Variants in GAS7 observed in about 807,000 individuals in gnomAD.
GAS7 encodes growth arrest specific 7.
A neutral mutation model predicts 71.1 loss-of-function variants in GAS7; 28 were observed. The observed-to-expected ratio is 0.39, with a 90% CI of 0.29 to 0.54. GAS7 has a LOEUF of 0.54. Ranked by LOEUF, GAS7 falls within the 20% of genes least tolerant of loss-of-function variation. The probability of loss-of-function intolerance (pLI) is 0.62; values close to 1 mark genes in which losing one functional copy is unlikely to be tolerated. For synonymous variants in GAS7, 258 were observed against 245.8 expected (o/e 1.05, Z -0.46); for missense variants, 436 against 627.8 (o/e 0.69, Z 3.27).
chr17:10,011,541 C>A (rs1391470954), intron 2 of GAS7, among the ~76,000 whole-genome samples: 1 of 152,200 alleles, frequency 6.6e-6, no homozygotes, highest in African/African-American at 2.4e-5. Context: ...AAACACCAGC[C>A]AGCATCACTT....
At chr17:10,117,716 A>G (rs551860115) in intron 1 of GAS7, among the ~76,000 whole-genome samples, 13 of 152,140 alleles carry the variant, frequency 8.5e-5, no homozygotes, top group Admixed American at 6.5e-5. Context: ...CTTCCTGTGA[A>G]AACAACAGAC....
At chr17:9,928,202 T>C (rs1181692098) in intron 9 of GAS7, among the ~76,000 whole-genome samples, 2 of 151,956 alleles carry the variant, frequency 1.3e-5, no homozygotes, top group Non-Finnish European at 2.9e-5. Flanking sequence ...AAGCCTCGCC[T>C]TCCAGGTTCA....
chr17:10,145,621 T>C (rs1410307437), intron 1 of GAS7, among the ~76,000 whole-genome samples: 4 of 152,184 alleles, frequency 2.6e-5, no homozygotes, highest in Non-Finnish European at 4.4e-5. Context: ...AATCCTGGCA[T>C]GGGTTCAGGG....
chr17:10,005,073 G>A lies in GAS7; in HGVS notation c.304+14704C>T, dbSNP rs557268394. Among the ~76,000 whole-genome samples, 904 of 130,548 alleles carry A rather than the reference G, an allele frequency of 6.9e-3. 3 individuals are homozygous for A. Among genetic ancestry groups the A allele is most frequent in the South Asian group, 0.047 (204 of 4,310 alleles). 85.6% of individuals were successfully genotyped at this position (130,548 alleles called of 152,430 possible). A position where few individuals can be genotyped will look rare whatever the true frequency, so the allele number is the denominator to read the frequency against. On this transcript the variant is annotated intron_variant, in intron 2 of 13. Coordinates refer to ENST00000432992, the MANE Select transcript of GAS7 (RefSeq NM_201433.2). ...TATACACATATATGTGTGTATGCACGCATACATGCGTGTGTGCACGCATAC... is the reference window on the plus strand; with the variant it reads ...TATACACATATATGTGTGTATGCACACATACATGCGTGTGTGCACGCATAC...
intron 1 of GAS7, among the ~76,000 whole-genome samples, chr17:10,095,898 T>C (rs2073636925): frequency 6.6e-6 from 1 of 152,048 alleles, no homozygotes; most frequent in Admixed American, 6.6e-5. Context: ...CCCAGTCCTT[T>C]CCCTTCCTTT....
In GAS7 at chr17:9,981,734, A is replaced by T; in HGVS notation, c.385+70T>A. ...CCAGGTTTAAGACCCAGGACCCATC[A>T]TCTCAGCCTCTCCACTGAATGTGGC... On this transcript the variant is annotated intron_variant, in intron 3 of 13. Transcript: ENST00000432992. The surrounding 1 kb of genome is among the most constrained non-coding windows in gnomAD (Gnocchi z 4.4). The T allele has an allele frequency of 1.1e-6, 1 of 905,098 alleles. No homozygotes were observed. Among genetic ancestry groups the T allele is most frequent in the Non-Finnish European group, 1.9e-6 (1 of 538,518 alleles). The allele number at this position is 905,098 out of a possible 1,614,324, so 56.1% of individuals were successfully genotyped here. A position where few individuals can be genotyped will look rare whatever the true frequency, so the allele number is the denominator to read the frequency against.
intron 2 of GAS7, among the ~76,000 whole-genome samples, chr17:10,009,562 G>A (rs2071677984): frequency 6.6e-6 from 1 of 151,358 alleles, no homozygotes; most frequent in East Asian, 1.9e-4. Context: ...TTAAAAGCCT[G>A]AGTGTGGTAC....
chr17:9,983,553 G>A (rs1597611017), intron 2 of GAS7, among the ~76,000 whole-genome samples: 1 of 152,082 alleles, frequency 6.6e-6, no homozygotes, highest in Non-Finnish European at 1.5e-5. Flanking sequence ...TTGGGAGGCC[G>A]AGGCGGGTGG....
intron 5 of GAS7, among the ~76,000 whole-genome samples, chr17:9,947,410 A>G (rs936374569): frequency 6.6e-6 from 1 of 152,198 alleles, no homozygotes; most frequent in Non-Finnish European, 1.5e-5. Context: ...ATAGACATCT[A>G]TGGAAATCAG....
chr17:10,185,794 C>T lies in GAS7; in HGVS notation c.183+12414G>A, dbSNP rs151308245. 4.7e-3 allele frequency among the ~76,000 whole-genome samples: 720 copies of T among 152,196 alleles called. 8 individuals are homozygous for T. Among genetic ancestry groups the T allele is most frequent in the African/African-American group, 0.016 (681 of 41,514 alleles). ...TTCAGCTGGTGTCCACTGAAGAACCCGCCTGGTGTGTGGGAAAACACTCGC... is the reference window on the plus strand; with the variant it reads ...TTCAGCTGGTGTCCACTGAAGAACCTGCCTGGTGTGTGGGAAAACACTCGC... On this transcript the variant is annotated intron_variant, in intron 1 of 13. Coordinates refer to ENST00000432992, the MANE Select transcript of GAS7 (RefSeq NM_201433.2).
intron 1 of GAS7, among the ~76,000 whole-genome samples, chr17:10,047,764 T>C (rs2073000406): frequency 6.6e-6 from 1 of 152,222 alleles, no homozygotes; most frequent in Non-Finnish European, 1.5e-5. Context: ...TTTAAATCCA[T>C]ATTTAGTTGT....
chr17:10,179,461 C>A (rs191711956), intron 1 of GAS7, among the ~76,000 whole-genome samples: 1 of 146,672 alleles, frequency 6.8e-6, no homozygotes. Flanking sequence ...TGTTTCCAAG[C>A]TGGTTTATCT....
chr17:10,181,834 C>T (rs2074419216), intron 1 of GAS7, among the ~76,000 whole-genome samples: 1 of 152,124 alleles, frequency 6.6e-6, no homozygotes, highest in Non-Finnish European at 1.5e-5. Context: ...AAGGAGCCGG[C>T]CAAAACCCAC....
intron 7 of GAS7, among the ~76,000 whole-genome samples, chr17:9,942,338 T>C (rs921118273): frequency 6.6e-6 from 1 of 151,930 alleles, no homozygotes; most frequent in African/African-American, 2.4e-5. Flanking sequence ...TGTGTTTGTG[T>C]GTGTGTGCAC....
At chr17:10,087,905 C>G (rs967060385) in intron 1 of GAS7, among the ~76,000 whole-genome samples, 7 of 152,088 alleles carry the variant, frequency 4.6e-5, no homozygotes, top group Non-Finnish European at 1.5e-5. Flanking sequence ...CTTTGGTGCC[C>G]CCATCCTCGC....
intron 1 of GAS7, among the ~76,000 whole-genome samples, chr17:10,149,734 A>G (rs915924246): frequency 2.0e-5 from 3 of 152,266 alleles, no homozygotes; most frequent in Admixed American, 6.5e-5. Flanking sequence ...AACGTGGCAT[A>G]TCGGGATAAT....
intron 2 of GAS7, among the ~76,000 whole-genome samples, chr17:10,009,058 C>A (rs978440933): frequency 6.6e-6 from 1 of 151,990 alleles, no homozygotes; most frequent in Admixed American, 6.6e-5. Flanking sequence ...CGGTGGCTCA[C>A]GCCTGTAATC....
At chr17:9,962,283 T>C (rs888543577) in intron 4 of GAS7, among the ~76,000 whole-genome samples, 5 of 146,320 alleles carry the variant, frequency 3.4e-5, no homozygotes, top group Non-Finnish European at 5.9e-5. Context: ...ACACACACTA[T>C]CATAATTCTC....
rs1250673519 is a variant in GAS7 at position 9,925,510 on chromosome 17, GTCC to G, written c.1101_1103del (p.Glu367del). 6.2e-7 allele frequency: 1 copy of G among 1,614,116 alleles called. No individual in the cohort carries two copies. Among genetic ancestry groups the G allele is most frequent in the Non-Finnish European group, 8.5e-7 (1 of 1,179,974 alleles). On this transcript the variant is annotated inframe_deletion, in exon 11 of 14. Coordinates refer to ENST00000432992, the MANE Select transcript of GAS7 (RefSeq NM_201433.2). ...TGGACTTTCTCCGCGCCTTCTTGAT[GTCC>G]TCCTCTGTCTTGTTGCTCAGCTTGA...
Sources: gnomAD v4.1 joint callset for allele counts (sites outside exome capture counted in the v4.1 genomes callset) on GRCh38, gnomAD v4.1.1 for gene constraint, Gnocchi (gnomAD v3.1) non-coding constraint, MANE v1.5 for transcripts, NCBI Gene and HGNC (gene_info 2026-07-23, HGNC 2026-07-21) for gene names.